Variants in TUBB6 observed in about 807,000 individuals in gnomAD.
The protein encoded by TUBB6 is tubulin beta 6 class V.
TUBB6 carries 18 observed loss-of-function variants against 32.3 expected under a neutral mutation model. That is an observed-to-expected ratio of 0.56 (90% CI 0.39 to 0.83). TUBB6 has a LOEUF of 0.83. Ranked by LOEUF, TUBB6 falls within the 40% of genes least tolerant of loss-of-function variation. TUBB6 has a pLI of 0.00. For missense variants in TUBB6, 480 were observed against 632.0 expected, an observed-to-expected ratio of 0.76 and a Z score of 2.58; for synonymous variants, 280 against 265.8, an observed-to-expected ratio of 1.05 and a Z score of -0.52.
chr18:12,328,419 A>T (rs1482319726), downstream of TUBB6, among the ~76,000 whole-genome samples: 3 of 152,178 alleles, frequency 2.0e-5, no homozygotes, highest in Admixed American at 2.0e-4. Context: ...TTTTTTAAGG[A>T]ATTTTGATAT....
rs541431965 is a variant in TUBB6, at chr18:12,313,482, A to C, written c.277+2429A>C. Among the ~76,000 whole-genome samples the C allele has an allele frequency of 4.4e-4, 67 of 152,298 alleles. 1 individual carries two copies. Among genetic ancestry groups the C allele is most frequent in the Admixed American group, 3.3e-4 (5 of 15,296 alleles). On this transcript the variant is annotated intron_variant, in intron 3 of 3. Transcript: ENST00000317702. ...TGGGAGGTGTTCCCCAGGACACTAGACTTTGAGTGCTAAAACTGCCAGGGT... is the reference window on the plus strand; with the variant it reads ...TGGGAGGTGTTCCCCAGGACACTAGCCTTTGAGTGCTAAAACTGCCAGGGT...
chr18:12,317,416 G>A (rs566908717), intron 3 of TUBB6, among the ~76,000 whole-genome samples: 1 of 152,108 alleles, frequency 6.6e-6, no homozygotes, highest in South Asian at 2.1e-4. Flanking sequence ...TGCAGTGAGC[G>A]GTGTTTGCGC....
At chr18:12,321,115 T>C (rs1906965751) in intron 3 of TUBB6, among the ~76,000 whole-genome samples, 1 of 152,220 alleles carries the variant, frequency 6.6e-6, no homozygotes, top group African/African-American at 2.4e-5. Context: ...GTGAGCTGTA[T>C]GTTTATAGCC....
At chr18:12,314,144 G>A (rs995473070) in intron 3 of TUBB6, among the ~76,000 whole-genome samples, 1 of 152,114 alleles carries the variant, frequency 6.6e-6, no homozygotes, top group Non-Finnish European at 1.5e-5. Context: ...CACCGGGAGA[G>A]GGAAACTGAG....
At chr18:12,322,066 C>T (rs1297093185) in intron 3 of TUBB6, among the ~76,000 whole-genome samples, 1 of 151,914 alleles carries the variant, frequency 6.6e-6, no homozygotes, top group African/African-American at 2.4e-5. Flanking sequence ...TTTGGGAGGC[C>T]GAGGTGGGCG....
chr18:12,317,393 T>TTGAGGC (rs1460561381), intron 3 of TUBB6, among the ~76,000 whole-genome samples: 1 of 151,748 alleles, frequency 6.6e-6, no homozygotes, highest in Non-Finnish European at 1.5e-5. Flanking sequence ...GCTAGGGAGG[T>TTGAGGC]TGAGGCTGAG....
chr18:12,322,725 A>G (rs1449803582), intron 3 of TUBB6, among the ~76,000 whole-genome samples: 2 of 152,220 alleles, frequency 1.3e-5, no homozygotes, highest in African/African-American at 4.8e-5. Context: ...AGAGGAATAG[A>G]ATTGATCCCA....
chr18:12,329,201 GAA>G (rs1568130155), downstream of TUBB6: 3 of 702,944 alleles, frequency 4.3e-6, no homozygotes, highest in Admixed American at 2.0e-5. Context: ...GCGACAAAGA[GAA>G]AGCATCCCTT....
rs139093890 is a variant in TUBB6 at position 12,325,863 on chromosome 18, C to T, written c.1074C>T (p.Pro358=). ...AGGTGGCCGTGTGCGACATCCCGCC[C>T]CGCGGCCTGAAGATGGCCTCCACCT... The part of the protein sequence containing the change: ...NVKVAVCDIP[P]RGLKMASTFI... Residue 358 remains proline (P), a synonymous_variant, in exon 4 of 4, where the codon CCC becomes CCT. Coordinates refer to ENST00000317702, the MANE Select transcript of TUBB6 (RefSeq NM_032525.3). 1.5e-4 allele frequency: 240 copies of T among 1,614,194 alleles called. 1 individual carries two copies. In the African/African-American group the frequency reaches 3.1e-3, roughly 21 times the overall value.
intron 3 of TUBB6, among the ~76,000 whole-genome samples, chr18:12,312,177 C>T (rs756586817): frequency 1.3e-5 from 2 of 152,148 alleles, no homozygotes; most frequent in Non-Finnish European, 2.9e-5. Context: ...TGGAAAACTT[C>T]CCAACATTTC....
chr18:12,317,471 AAAAAG>A (rs140992937), intron 3 of TUBB6, among the ~76,000 whole-genome samples: 101,507 of 151,322 alleles, frequency 0.67, 35,633 homozygotes, highest in Non-Finnish European at 0.78. Context: ...CTGTCTCAAA[AAAAAG>A]AAAAGAAAAA....
rs767237778 is a variant in TUBB6, at chr18:12,325,620, C to T, written c.831C>T (p.Gly277=). Residue 277 remains glycine, a synonymous_variant, in exon 4 of 4, where the codon GGC becomes GGT. Transcript: ENST00000317702. ...MPGFAPLTSR[G]SQQYRALTVP... is the part of the protein sequence containing the mutation. ...GCTTCGCGCCGCTCACCAGCCGCGG[C>T]AGCCAGCAGTACCGGGCCCTGACCG... 6.2e-6 allele frequency: 10 copies of T among 1,613,864 alleles called. No homozygotes were observed. The Admixed American group carries it at 8.3e-5, about 13-fold the overall frequency.
At chr18:12,323,441 A>G (rs981045264) in intron 3 of TUBB6, among the ~76,000 whole-genome samples, 4 of 152,216 alleles carry the variant, frequency 2.6e-5, no homozygotes, top group Admixed American at 2.0e-4. Context: ...AGGATTTTAA[A>G]TTTAAGAGCC....
Position 12,325,732 on chromosome 18 carries a change from A to G in TUBB6, c.943A>G (p.Thr315Ala), listed in dbSNP as rs2143053997. 6.2e-7 allele frequency: 1 copy of G among 1,614,198 alleles called. No individual in the cohort carries two copies. Among genetic ancestry groups the G allele is most frequent in the Non-Finnish European group, 8.5e-7 (1 of 1,180,040 alleles). Residue 315 changes from threonine to alanine, a missense_variant, in exon 4 of 4, where the codon ACC (threonine) becomes GCC (alanine). Thr to Ala is a moderately conservative substitution (Grantham distance 58). Coordinates refer to ENST00000317702, the MANE Select transcript of TUBB6 (RefSeq NM_032525.3). ...CCATGGCCGCTACCTGACCGTGGCC[A>G]CCGTGTTCCGCGGGCCCATGTCCAT... ...PRHGRYLTVA[T>A]VFRGPMSMKE...
chr18:12,308,238 C>A (rs530951982), upstream of TUBB6: 2 of 1,309,374 alleles, frequency 1.5e-6, no homozygotes, highest in Non-Finnish European at 9.8e-7. Flanking sequence ...GCAGCCGGCC[C>A]GCAGTTGCCG....
Position 12,308,729 on chromosome 18 carries a change from G to A in TUBB6, c.100G>A (p.Gly34Arg). 1 of 1,613,276 alleles carries A rather than the reference G, an allele frequency of 6.2e-7. No individual in the cohort carries two copies. Among genetic ancestry groups the A allele is most frequent in the Non-Finnish European group, 8.5e-7 (1 of 1,179,420 alleles). The change falls in exon 2 of 4, where the codon GGA becomes AGA. Residue 34 changes from glycine to arginine, a missense_variant. Physicochemically the swap from Gly to Arg is moderately radical, Grantham distance 125 (BLOSUM62 -2). Transcript: ENST00000317702. ...ISDEHGIDPA[G>R]GYVGDSALQL... ...CGATGAGCACGGCATCGACCCGGCC[G>A]GAGGCTACGTGGGAGACTCGGCGCT...
chr18:12,326,817 T>C (rs1799785743), downstream of TUBB6, among the ~76,000 whole-genome samples: 1 of 152,212 alleles, frequency 6.6e-6, no homozygotes, highest in African/African-American at 2.4e-5. Context: ...CCACAGGATC[T>C]TGCATTTTCC....
chr18:12,329,388 C>T (rs1907440575), downstream of TUBB6: 1 of 717,640 alleles, frequency 1.4e-6, no homozygotes. Flanking sequence ...AAGTCACCTG[C>T]CACCCACTGT....
chr18:12,322,178 G>T (rs1485397466), intron 3 of TUBB6, among the ~76,000 whole-genome samples: 1 of 151,754 alleles, frequency 6.6e-6, no homozygotes. Context: ...GGCAGCACCT[G>T]TAATCCCAGC....
Sources: gnomAD v4.1 joint callset for allele counts (sites outside exome capture counted in the v4.1 genomes callset) on GRCh38, gnomAD v4.1.1 for gene constraint, MANE v1.5 for transcripts, NCBI Gene and HGNC (gene_info 2026-07-23, HGNC 2026-07-21) for gene names.